PCCA: variants seen among roughly 807,000 people sequenced by gnomAD.
PCCA encodes propionyl-CoA carboxylase subunit alpha.
PCCA carries 74 observed loss-of-function variants against 101.3 expected under a neutral mutation model. The observed-to-expected ratio is 0.73, with a 90% confidence interval of 0.61 to 0.89. The LOEUF (loss-of-function observed/expected upper bound fraction) is 0.89, where lower values mean the gene tolerates loss of function less well. Among genes scored for constraint, PCCA ranks in the 40% least tolerant of loss-of-function variants. PCCA has a pLI of 0.00. For missense variants in PCCA, 891 were observed against 907.0 expected, an observed-to-expected ratio of 0.98 and a Z score of 0.23; for synonymous variants, 294 against 313.6, an observed-to-expected ratio of 0.94 and a Z score of 0.66.
chr13:100,189,988 A>G (rs1369934056), intron 6 of PCCA, among the ~76,000 whole-genome samples: 1 of 152,230 alleles, frequency 6.6e-6, no homozygotes, highest in Non-Finnish European at 1.5e-5. Context: ...TGTTATTGGT[A>G]ATATAAAGAG....
chr13:100,235,713 G>T, intron 7 of PCCA, 129 bp from the exon 8 acceptor site: 1 of 694,164 alleles, frequency 1.4e-6, no homozygotes, highest in East Asian at 2.6e-5. Context: ...TGAATGAAAA[G>T]GGTTAGAAGG....
chr13:100,433,829 A>G lies in PCCA; in HGVS notation c.1845+8098A>G, dbSNP rs1023337028. 9.2e-5 allele frequency among the ~76,000 whole-genome samples: 14 copies of G among 152,362 alleles called. No homozygotes were observed. In the South Asian group the frequency reaches 1.0e-3, roughly 11 times the overall value. The stretch of plus-strand genomic sequence containing the variant: ...AAGGGTGTCCATGGCAGACACTCCT[A>G]TAACAAAAGACAGGTTAACAAGAGA... On this transcript the variant is annotated intron_variant, in intron 20 of 23. Coordinates refer to ENST00000376285, the MANE Select transcript of PCCA (RefSeq NM_000282.4).
chr13:100,347,471 A>G (rs1208791791), intron 18 of PCCA, among the ~76,000 whole-genome samples: 1 of 152,194 alleles, frequency 6.6e-6, no homozygotes, highest in Non-Finnish European at 1.5e-5. Flanking sequence ...CTCTTTGAAA[A>G]ATTAATATTC....
At chr13:100,407,322 G>A (rs2077745912) in intron 19 of PCCA, among the ~76,000 whole-genome samples, 1 of 152,182 alleles carries the variant, frequency 6.6e-6, no homozygotes, top group African/African-American at 2.4e-5. Flanking sequence ...TATCCGAAAA[G>A]CCAGTTGTCA....
chr13:100,489,940 C>G (rs2084768755), intron 21 of PCCA: 1 of 152,160 alleles, frequency 6.6e-6, no homozygotes, highest in African/African-American at 2.4e-5. Context: ...GTTCTAGGAG[C>G]ACGGGGCTCA....
rs1310984225 is a variant in PCCA, at chr13:100,107,231, A to AT, written c.183+4279dup. On this transcript the variant is annotated intron_variant, in intron 2 of 23. Transcript: ENST00000376285. ...AAATTTAATCATTACTGAAAACGTT[A>AT]TTTTTTTTAACTTGAGTTTTAACAA... 4.6e-5 allele frequency among the ~76,000 whole-genome samples: 7 copies of AT among 152,172 alleles called. No homozygotes were observed. In the South Asian group the frequency reaches 8.3e-4, roughly 18 times the overall value.
chr13:100,131,762 A>G (rs1359951164), intron 4 of PCCA, among the ~76,000 whole-genome samples: 1 of 152,200 alleles, frequency 6.6e-6, no homozygotes, highest in African/African-American at 2.4e-5. Context: ...ACCGTTGAGC[A>G]CTTGTTATGT....
intron 2 of PCCA, among the ~76,000 whole-genome samples, chr13:100,110,111 C>T (rs771957179): frequency 1.3e-5 from 2 of 151,938 alleles, no homozygotes; most frequent in East Asian, 3.9e-4. Context: ...CCAGCCTGGG[C>T]GACAGAGTGA....
chr13:100,096,558 A>G (rs1594049869), intron 1 of PCCA, among the ~76,000 whole-genome samples: 1 of 152,356 alleles, frequency 6.6e-6, no homozygotes. Context: ...CAAAAACTAG[A>G]AATCATTAAG....
intron 6 of PCCA, among the ~76,000 whole-genome samples, chr13:100,174,355 C>A (rs2056024738): frequency 6.6e-6 from 1 of 150,896 alleles, no homozygotes; most frequent in African/African-American, 2.4e-5. Flanking sequence ...TAGCCAGAAA[C>A]CACATAGAGA....
intron 16 of PCCA, among the ~76,000 whole-genome samples, chr13:100,330,093 A>G (rs1348824316): frequency 6.6e-6 from 1 of 152,154 alleles, no homozygotes; most frequent in African/African-American, 2.4e-5. Context: ...CATCTCAACA[A>G]CTTTTTGCGG....
chr13:100,484,830 G>A (rs2084241907), intron 21 of PCCA, among the ~76,000 whole-genome samples: 1 of 152,212 alleles, frequency 6.6e-6, no homozygotes, highest in Non-Finnish European at 1.5e-5. Flanking sequence ...TAGCTGCCCA[G>A]TGCTTCTGGT....
At chr13:100,115,489 T>G (rs1038148986) in intron 4 of PCCA, among the ~76,000 whole-genome samples, 1 of 152,196 alleles carries the variant, frequency 6.6e-6, no homozygotes, top group African/African-American at 2.4e-5. Context: ...TATCCTGATG[T>G]GATTATTATA....
At chr13:100,277,535 T>C (rs1480378597) in intron 12 of PCCA, among the ~76,000 whole-genome samples, 1 of 152,118 alleles carries the variant, frequency 6.6e-6, no homozygotes, top group Non-Finnish European at 1.5e-5. Flanking sequence ...CTGAGTGGCT[T>C]TAGAGGTACA....
intron 21 of PCCA, among the ~76,000 whole-genome samples, chr13:100,495,258 C>A (rs1031612649): frequency 2.0e-5 from 3 of 152,120 alleles, no homozygotes; most frequent in African/African-American, 7.2e-5. Context: ...CCACAATTTA[C>A]CTCTACATGT....
At chr13:100,331,816 T>TA (rs1411381748) in intron 17 of PCCA, among the ~76,000 whole-genome samples, 1 of 151,666 alleles carries the variant, frequency 6.6e-6, no homozygotes, top group African/African-American at 2.4e-5. Context: ...AAGAACCCCT[T>TA]ACGTCATTGC....
In PCCA at chr13:100,468,287, T is replaced by C. The variant is rs369318893; in HGVS notation, c.1899+18982T>C. Among the ~76,000 whole-genome samples the C allele has an allele frequency of 9.2e-5, 14 of 152,304 alleles. No homozygotes were observed. The East Asian group carries it at 2.1e-3, about 23-fold the overall frequency. On this transcript the variant is annotated intron_variant, in intron 21 of 23. Transcript: ENST00000376285. Reference sequence around the variant, plus strand: ...CCTAAGGGCCCTGGGATTTTCAGAATGGTAAGTGAGCACTGGCTTCAACTA... The same window carrying C: ...CCTAAGGGCCCTGGGATTTTCAGAACGGTAAGTGAGCACTGGCTTCAACTA...
intron 16 of PCCA, among the ~76,000 whole-genome samples, chr13:100,325,623 C>CT (rs1372554383): frequency 6.6e-6 from 1 of 152,188 alleles, no homozygotes; most frequent in Non-Finnish European, 1.5e-5. Flanking sequence ...TAGGCTAACT[C>CT]TGTCTGTTGT....
At position 100,155,028 on chromosome 13, in the gene PCCA, C is replaced by G; in HGVS notation, c.350C>G (p.Thr117Ser). 6.2e-7 allele frequency: 1 copy of G among 1,614,082 alleles called. No homozygotes were observed. Among genetic ancestry groups the G allele is most frequent in the African/African-American group, 1.3e-5 (1 of 75,024 alleles). Residue 117 changes from threonine to serine, a missense_variant, in exon 5 of 24, where the codon ACC becomes AGC. Transcript: ENST00000376285. ...DEAVCVGPAP[T>S]SKSYLNMDAI... ...GCTGTCTGTGTTGGCCCAGCTCCCA[C>G]CAGTAAAAGCTACCTCAACATGGAT...
Sources: gnomAD v4.1 joint callset for allele counts (sites outside exome capture counted in the v4.1 genomes callset) on GRCh38, gnomAD v4.1.1 for gene constraint, MANE v1.5 for transcripts, NCBI Gene and HGNC (gene_info 2026-07-23, HGNC 2026-07-21) for gene names.